Variants in MYLK observed in about 807,000 individuals in gnomAD.
MYLK encodes the protein myosin light chain kinase, also known as myosin light chain kinase, smooth muscle.
MYLK carries 106 observed loss-of-function variants against 203.4 expected under a neutral mutation model. The ratio of observed to expected loss-of-function variants is 0.52; its 90% CI spans 0.45 to 0.61. The LOEUF (loss-of-function observed/expected upper bound fraction) is 0.61, where lower values mean the gene tolerates loss of function less well. MYLK is among the 20% of genes least tolerant of loss of function. MYLK has a pLI of 0.00. For synonymous variants in MYLK, 867 were observed against 959.5 expected, an observed-to-expected ratio of 0.90 and a Z score of 1.78; for missense variants, 2,072 against 2,442.3, an observed-to-expected ratio of 0.85 and a Z score of 3.20.
intron 24 of MYLK, among the ~76,000 whole-genome samples, chr3:123,654,959 C>T (rs1396788892): frequency 6.6e-6 from 1 of 152,138 alleles, no homozygotes; most frequent in African/African-American, 2.4e-5. Context: ...CTCAGGCGAT[C>T]CACCCGCTTC....
rs1309312338 is a variant in MYLK at position 123,700,372 on chromosome 3, A to G, written c.3096T>C (p.Ala1032=). 1.9e-6 allele frequency: 3 copies of G among 1,613,114 alleles called. No individual in the cohort carries two copies. Among genetic ancestry groups the G allele is most frequent in the Non-Finnish European group, 2.5e-6 (3 of 1,179,752 alleles). ...PLKPVGNAKP[A]ETLKPMGNAK... The stretch of plus-strand genomic sequence containing the variant: ...CGTTGCCCATTGGCTTCAGGGTCTC[A>G]GCAGGCTTGGCGTTGCCCACGGGTT... The change falls in exon 18 of 34, where the codon GCT becomes GCC. Residue 1032 remains alanine (A), a synonymous_variant. Transcript: ENST00000360304.
At chr3:123,681,986 T>C in intron 20 of MYLK, 1 of 586,760 alleles carries the variant, frequency 1.7e-6, no homozygotes, top group Non-Finnish European at 3.1e-6. Flanking sequence ...AGATGAGATG[T>C]GCAACACCAC....
intron 19 of MYLK, among the ~76,000 whole-genome samples, chr3:123,687,604 CTTCCTACCTTCA>C (rs1193351326): frequency 6.6e-6 from 1 of 151,504 alleles, no homozygotes; most frequent in African/African-American, 2.4e-5. Flanking sequence ...TCCTTCCTTC[CTTCCTACCTTCA>C]TTCCTTCCTT....
At chr3:123,666,642 T>C (rs1180526494) in intron 21 of MYLK, among the ~76,000 whole-genome samples, 1 of 152,152 alleles carries the variant, frequency 6.6e-6, no homozygotes, top group Non-Finnish European at 1.5e-5. Flanking sequence ...TGAATTGAGG[T>C]CCTAACTCAC....
chr3:123,705,880 T>C (rs2061442459), intron 16 of MYLK, among the ~76,000 whole-genome samples: 1 of 152,222 alleles, frequency 6.6e-6, no homozygotes, highest in Admixed American at 6.5e-5. Context: ...TATCTCAAAG[T>C]GCTACTCCTT....
intron 23 of MYLK, 96 bp downstream of exon 23, chr3:123,664,009 A>G: frequency 1.3e-6 from 2 of 1,536,950 alleles, no homozygotes; most frequent in African/African-American, 2.7e-5. Flanking sequence ...GGTGAGAGAT[A>G]ATGGGTGATG....
intron 16 of MYLK, among the ~76,000 whole-genome samples, chr3:123,704,878 C>A (rs944654427): frequency 6.6e-6 from 1 of 152,022 alleles, no homozygotes; most frequent in Admixed American, 6.5e-5. Flanking sequence ...CAAGATCGTG[C>A]CACTGCACTC....
Position 123,618,720 on chromosome 3 carries a change from C to G in MYLK, c.5419G>C (p.Val1807Leu). 1 of 1,614,196 alleles carries G rather than the reference C, an allele frequency of 6.2e-7. No homozygotes were observed. Among genetic ancestry groups the G allele is most frequent in the East Asian group, 2.2e-5 (1 of 44,890 alleles). Residue 1807 changes from valine to leucine, a missense_variant, in exon 33 of 34, where the codon GTA (valine) becomes CTA (leucine). Coordinates refer to ENST00000360304, the MANE Select transcript of MYLK (RefSeq NM_053025.4). ...LEAVAEEKPH[V>L]KPYFSKTIRD... Reference sequence around the variant, plus strand: ...ATGGTCTTAGAGAAATAGGGTTTTACATGAGGCTTTTCCTCAGCAACAGCC... The same window carrying G: ...ATGGTCTTAGAGAAATAGGGTTTTAGATGAGGCTTTTCCTCAGCAACAGCC...
At chr3:123,729,947 C>A (rs1576763892) in intron 11 of MYLK, among the ~76,000 whole-genome samples, 1 of 151,290 alleles carries the variant, frequency 6.6e-6, no homozygotes, top group Non-Finnish European at 1.5e-5. Flanking sequence ...AGAAAACAGG[C>A]TGAGTGCAGT....
At chr3:123,681,652 G>C (rs769409875) in intron 20 of MYLK, 2 of 167,620 alleles carry the variant, frequency 1.2e-5, no homozygotes, top group Non-Finnish European at 2.6e-5. Context: ...GCTCAGTTTG[G>C]CCTGAGTATA....
At chr3:123,767,373 G>A (rs1025475204) in intron 4 of MYLK, among the ~76,000 whole-genome samples, 5 of 152,204 alleles carry the variant, frequency 3.3e-5, no homozygotes, top group African/African-American at 7.2e-5. Flanking sequence ...TTGGGAGGCC[G>A]AGGTTGGCAG....
chr3:123,755,940 TC>T (rs1417991185), intron 4 of MYLK, among the ~76,000 whole-genome samples: 1 of 152,212 alleles, frequency 6.6e-6, no homozygotes. Context: ...CTGCAAGTCC[TC>T]ACCAACACTC....
intron 4 of MYLK, among the ~76,000 whole-genome samples, chr3:123,789,949 T>A (rs1230914982): frequency 6.6e-6 from 1 of 152,188 alleles, no homozygotes; most frequent in Non-Finnish European, 1.5e-5. Flanking sequence ...GGAGACACTA[T>A]CTCCACATGC....
chr3:123,611,760 T>C lies in MYLK; in HGVS notation c.*2345A>G. ...TGAGCTTGTTTTCCTGCAACTAGACTGTCCCATCTAGGGGTGATGGGAGAC... is the reference window on the plus strand; with the variant it reads ...TGAGCTTGTTTTCCTGCAACTAGACCGTCCCATCTAGGGGTGATGGGAGAC... On this transcript the variant is annotated 3_prime_UTR_variant, in exon 34 of 34. Coordinates refer to ENST00000360304, the MANE Select transcript of MYLK (RefSeq NM_053025.4). The C allele has an allele frequency of 6.1e-6, 1 of 165,286 alleles. No individual in the cohort carries two copies. Among genetic ancestry groups the C allele is most frequent in the Non-Finnish European group, 1.3e-5 (1 of 78,748 alleles). The allele number at this position is 165,286 out of a possible 1,614,324, so 10.2% of individuals were successfully genotyped here.
intron 2 of MYLK, among the ~76,000 whole-genome samples, chr3:123,853,556 A>G (rs150570532): frequency 6.6e-6 from 1 of 152,262 alleles, no homozygotes; most frequent in African/African-American, 2.4e-5. Context: ...TTTGAAGAGA[A>G]ATGTCTATTC....
chr3:123,704,288 A>G (rs1029346163), intron 16 of MYLK, among the ~76,000 whole-genome samples: 1 of 152,178 alleles, frequency 6.6e-6, no homozygotes, highest in Non-Finnish European at 1.5e-5. Context: ...TGCAGCCTAT[A>G]AAGTTCATAG....
At chr3:123,620,000 G>A (rs1446196013) in intron 32 of MYLK, among the ~76,000 whole-genome samples, 2 of 151,442 alleles carry the variant, frequency 1.3e-5, no homozygotes, top group African/African-American at 2.4e-5. Context: ...CTTTCCCTCC[G>A]AAAATGGTTA....
chr3:123,813,218 G>A (rs1227443667), intron 3 of MYLK, among the ~76,000 whole-genome samples: 1 of 152,182 alleles, frequency 6.6e-6, no homozygotes, highest in Non-Finnish European at 1.5e-5. Context: ...TGCAAATAGG[G>A]GAAGGTTCAG....
At chr3:123,690,450 G>A (rs1576567553) in intron 19 of MYLK, among the ~76,000 whole-genome samples, 1 of 152,294 alleles carries the variant, frequency 6.6e-6, no homozygotes, top group Non-Finnish European at 1.5e-5. Flanking sequence ...CCCAAGTCAA[G>A]TATGATGCCT....
Sources: allele counts gnomAD v4.1 joint callset (sites outside exome capture counted in the v4.1 genomes callset), GRCh38; gene constraint gnomAD v4.1.1; transcripts MANE v1.5; gene names NCBI Gene and HGNC (gene_info 2026-07-23, HGNC 2026-07-21).